MIDEAS: variants seen among roughly 807,000 people sequenced by gnomAD.
MIDEAS encodes the protein mitotic deacetylase-associated SANT domain protein.
MIDEAS carries 26 observed loss-of-function variants against 102.7 expected under a neutral mutation model. The observed-to-expected ratio is 0.25, with a 90% CI of 0.19 to 0.35. MIDEAS has a LOEUF of 0.35. MIDEAS is among the 10% of genes least tolerant of loss of function. The pLI is 1.00. For synonymous variants in MIDEAS, 585 were observed against 591.0 expected, an observed-to-expected ratio of 0.99 and a Z score of 0.15; for missense variants, 1,231 against 1,435.6, an observed-to-expected ratio of 0.86 and a Z score of 2.30.
At chr14:73,767,413 T>C (rs1341073072) in intron 1 of MIDEAS, among the ~76,000 whole-genome samples, 2 of 152,082 alleles carry the variant, frequency 1.3e-5, no homozygotes, top group East Asian at 1.9e-4. Context: ...GGCAGGAGGA[T>C]TGTGCTTGAT....
At chr14:73,730,757 G>C (rs1368124419) in intron 3 of MIDEAS, among the ~76,000 whole-genome samples, 1 of 152,052 alleles carries the variant, frequency 6.6e-6, no homozygotes, top group Non-Finnish European at 1.5e-5. Flanking sequence ...TCAGGAGTTC[G>C]AGACCAGCCT....
At position 73,716,726 on chromosome 14, in the gene MIDEAS, A is replaced by G. The variant is rs999049773; in HGVS notation, c.*2117T>C. 1 of 145,922 alleles carries G rather than the reference A, an allele frequency of 6.9e-6. No homozygotes were observed. Among genetic ancestry groups the G allele is most frequent in the African/African-American group, 2.5e-5 (1 of 40,656 alleles). The allele number at this position is 145,922 out of a possible 1,614,324, so 9.0% of individuals were successfully genotyped here. On this transcript the variant is annotated 3_prime_UTR_variant, in exon 13 of 13. Coordinates refer to ENST00000423556, the MANE Select transcript of MIDEAS (RefSeq NM_001367710.1). ...AAAAAAAAATTTTTTTTCCAAGTAC[A>G]AGATGTTACCACTGACAAAAGGGTC...
At chr14:73,776,992 C>A (rs142594902) in intron 1 of MIDEAS, among the ~76,000 whole-genome samples, 6 of 151,864 alleles carry the variant, frequency 4.0e-5, no homozygotes, top group African/African-American at 1.4e-4. Context: ...ATAGTTTGAA[C>A]CCGGGAGGCG....
chr14:73,767,708 C>T (rs1349205177), intron 1 of MIDEAS, among the ~76,000 whole-genome samples: 1 of 152,142 alleles, frequency 6.6e-6, no homozygotes, highest in Non-Finnish European at 1.5e-5. Flanking sequence ...CCCCTGTGTC[C>T]AGACACCTCT....
chr14:73,718,756 C>G lies in MIDEAS; in HGVS notation c.*87G>C. ...AGTCCCTGCAATCCTCTCCTCACTC[C>G]CTCTTGAGATGCCAGGGTGTCTGCG... is the stretch of plus-strand genomic sequence containing the variant. On this transcript the variant is annotated 3_prime_UTR_variant, in exon 13 of 13. Transcript: ENST00000423556. 2 of 1,275,454 alleles carry G rather than the reference C, an allele frequency of 1.6e-6. No homozygotes were observed. Among genetic ancestry groups the G allele is most frequent in the Non-Finnish European group, 2.0e-6 (2 of 993,862 alleles). 79.0% of individuals were successfully genotyped at this position (1,275,454 alleles called of 1,614,324 possible). A position where few individuals can be genotyped will look rare whatever the true frequency, so the allele number is the denominator to read the frequency against.
chr14:73,720,453 G>C (rs568820061), intron 11 of MIDEAS, among the ~76,000 whole-genome samples: 1 of 152,072 alleles, frequency 6.6e-6, no homozygotes, highest in East Asian at 1.9e-4. Flanking sequence ...TCACCTTGTT[G>C]GCCAGGCTGG....
chr14:73,772,160 T>G (rs1358232155), intron 1 of MIDEAS, among the ~76,000 whole-genome samples: 1 of 152,212 alleles, frequency 6.6e-6, no homozygotes, highest in Non-Finnish European at 1.5e-5. Context: ...CTGCATGCAG[T>G]GCCGGTAGCT....
chr14:73,785,036 T>C (rs2053793402), intron 1 of MIDEAS, among the ~76,000 whole-genome samples: 1 of 152,136 alleles, frequency 6.6e-6, no homozygotes, highest in Non-Finnish European at 1.5e-5. Flanking sequence ...TCCAGTGCAC[T>C]GGAATCATCA....
At chr14:73,744,063 T>A (rs10137796) in intron 1 of MIDEAS, among the ~76,000 whole-genome samples, 102,944 of 140,564 alleles carry the variant, frequency 0.73, 35,799 homozygotes, top group East Asian at 0.88. Flanking sequence ...GAAAAAAAAA[T>A]AAAAAACAGT....
At chr14:73,756,750 C>G (rs571985860) in intron 1 of MIDEAS, among the ~76,000 whole-genome samples, 1 of 152,312 alleles carries the variant, frequency 6.6e-6, no homozygotes, top group East Asian at 1.9e-4. Context: ...CTCTTTCACC[C>G]TGAGGTCCCC....
intron 1 of MIDEAS, among the ~76,000 whole-genome samples, chr14:73,751,825 A>C (rs770506033): frequency 6.6e-6 from 1 of 152,164 alleles, no homozygotes; most frequent in Non-Finnish European, 1.5e-5. Flanking sequence ...GCTTGAACCC[A>C]GGAGGCAGAG....
At chr14:73,749,919 C>T (rs2053400569) in intron 1 of MIDEAS, among the ~76,000 whole-genome samples, 1 of 152,198 alleles carries the variant, frequency 6.6e-6, no homozygotes, top group South Asian at 2.1e-4. Context: ...CTCCCAGACA[C>T]ACATTGAACC....
chr14:73,722,905 A>C, intron 9 of MIDEAS, 58 bp from the exon 10 acceptor site: 1 of 1,585,804 alleles, frequency 6.3e-7, no homozygotes. Context: ...CTGCCTGTGG[A>C]GAATCCAGCC....
chr14:73,722,751 C>T lies in MIDEAS; in HGVS notation c.2671G>A (p.Val891Met). 2 of 1,614,214 alleles carry T rather than the reference C, an allele frequency of 1.2e-6. No individual in the cohort carries two copies. Among genetic ancestry groups the T allele is most frequent in the South Asian group, 2.2e-5 (2 of 91,086 alleles). Residue 891 changes from valine to methionine, a missense_variant, in exon 10 of 13, where the codon GTG becomes ATG. Physicochemically the swap from Val to Met is conservative, Grantham distance 21. This residue lies in a region of MIDEAS where 391 missense variants were observed against 483.0 expected (regional missense o/e 0.81). Transcript: ENST00000423556. ...GCCGACTTCTCATCGCTCGTATCCA[C>T]ATCCCCAAAGGTTAGAGTCCCATTG... The part of the protein sequence containing the change: ...GRNGTLTFGD[V>M]DTSDEKSAQE...
At position 73,775,592 on chromosome 14, in the gene MIDEAS, C is replaced by T. The variant is rs1209485898; in HGVS notation, c.-248+11510G>A. ...AGTCCAGAGCCCAGCTCATGACACT[C>T]CCAGCTTCCTGGGGGCAGCAGCTTC... On this transcript the variant is annotated intron_variant, in intron 1 of 11. Transcript: ENST00000394071. Among the ~76,000 whole-genome samples, 10 of 152,226 alleles carry T rather than the reference C, an allele frequency of 6.6e-5. 1 individual carries two copies. The South Asian group carries it at 1.0e-3, about 16-fold the overall frequency.
At chr14:73,719,222 T>TCCCCCGCCCCCCCCCCCCC in intron 12 of MIDEAS, 83 bp downstream of exon 12, 1 of 1,497,120 alleles carries the variant, frequency 6.7e-7, no homozygotes, top group Non-Finnish European at 8.9e-7. Context: ...CTGTACCTCT[T>TCCCCCGCCCCCCCCCCCCC]CCCCCTCCCC....
At chr14:73,789,747 C>G (rs1232416584), upstream of MIDEAS, 2 of 152,214 alleles carry the variant, frequency 1.3e-5, no homozygotes, top group Non-Finnish European at 2.9e-5. Context: ...GAGCGAGGGT[C>G]ATTCTTGAAT....
chr14:73,755,596 G>T (rs909683915), intron 1 of MIDEAS, among the ~76,000 whole-genome samples: 1 of 152,132 alleles, frequency 6.6e-6, no homozygotes, highest in Non-Finnish European at 1.5e-5. Flanking sequence ...GGGCCTGGGC[G>T]GGTAGGTTCC....
Position 73,727,539 on chromosome 14 carries a change from G to C in MIDEAS, c.2096-15C>G. ...TTCAGCACTGTCTATGGGACAAAGA[G>C]CAGGTTGATAAATAGCACCCCCCTT... On this transcript the variant is annotated splice_polypyrimidine_tract_variant and intron_variant, in intron 4 of 12. Transcript: ENST00000423556. 6.3e-7 allele frequency: 1 copy of C among 1,595,786 alleles called. No individual in the cohort carries two copies. Among genetic ancestry groups the C allele is most frequent in the Non-Finnish European group, 8.5e-7 (1 of 1,170,372 alleles).
Sources: gnomAD v4.1 joint callset for allele counts (sites outside exome capture counted in the v4.1 genomes callset) on GRCh38, gnomAD v4.1.1 for gene constraint, gnomAD v4.1.1 regional missense constraint, MANE v1.5 for transcripts, NCBI Gene and HGNC (gene_info 2026-07-23, HGNC 2026-07-21) for gene names.